Variants in PRORP observed in about 807,000 individuals in gnomAD.
PRORP encodes the protein protein only RNase P catalytic subunit, also known as mitochondrial ribonuclease P catalytic subunit.
In PRORP, 51 loss-of-function variants were observed where a neutral mutation model predicts 59.4. The ratio of observed to expected loss-of-function variants is 0.86; its 90% CI spans 0.69 to 1.08. The LOEUF (loss-of-function observed/expected upper bound fraction) is 1.08, where lower values mean the gene tolerates loss of function less well. Among genes scored for constraint, PRORP ranks in the 50% least tolerant of loss-of-function variants. The pLI is 0.00. For synonymous variants in PRORP, 231 were observed against 245.6 expected (o/e 0.94, Z 0.55); for missense variants, 646 against 690.3 (o/e 0.94, Z 0.72).
chr14:35,176,641 G>T (rs919319233), intron 4 of PRORP, among the ~76,000 whole-genome samples: 1 of 152,158 alleles, frequency 6.6e-6, no homozygotes, highest in Non-Finnish European at 1.5e-5. Flanking sequence ...GAGATTTTGG[G>T]CTGAGACAAT....
intron 4 of PRORP, among the ~76,000 whole-genome samples, chr14:35,143,575 T>G (rs890797766): frequency 2.1e-5 from 3 of 146,242 alleles, no homozygotes; most frequent in African/African-American, 7.3e-5. Context: ...AAGAGTACAT[T>G]GTATTACATT....
At position 35,123,827 on chromosome 14, in the gene PRORP, T is replaced by G. The variant is rs767022790; in HGVS notation, c.582T>G (p.Val194=). The stretch of plus-strand genomic sequence containing the variant: ...TCTTTCATATGCAGACATCTGAAGT[T>G]ATTGATGTCTTTGAAATTATGAAAG... The part of the protein sequence containing the change: ...LCVFHMQTSE[V]IDVFEIMKAR... Residue 194 remains valine, a synonymous_variant, in exon 2 of 8, where the codon GTT becomes GTG. Transcript: ENST00000534898. 1.2e-6 allele frequency: 2 copies of G among 1,614,176 alleles called. No individual in the cohort carries two copies.
At chr14:35,126,592 C>T (rs1448036265) in intron 2 of PRORP, 143 bp from the exon 3 acceptor site, 2 of 602,882 alleles carry the variant, frequency 3.3e-6, no homozygotes, top group Non-Finnish European at 5.8e-6. Context: ...GGATAGCAGC[C>T]ACTTTTTAAA....
chr14:35,155,651 T>C (rs1251401264), intron 4 of PRORP, among the ~76,000 whole-genome samples: 1 of 151,456 alleles, frequency 6.6e-6, no homozygotes, highest in Non-Finnish European at 1.5e-5. Context: ...AGTGCTTTCT[T>C]AGTGATTTTC....
chr14:35,212,096 A>G lies in PRORP; in HGVS notation c.1275+31319A>G, dbSNP rs191732469. ...TTTCTTTGTTTCTCCATAACAAGCA[A>G]CTCCTCATAGGTTCAAGTTTTATTA... is the stretch of plus-strand genomic sequence containing the variant. On this transcript the variant is annotated intron_variant, in intron 5 of 7. Coordinates refer to ENST00000534898, the MANE Select transcript of PRORP (RefSeq NM_014672.4). 3.3e-5 allele frequency among the ~76,000 whole-genome samples: 5 copies of G among 152,168 alleles called. No individual in the cohort carries two copies. The East Asian group carries it at 9.7e-4, about 29-fold the overall frequency.
intron 5 of PRORP, among the ~76,000 whole-genome samples, chr14:35,184,913 C>G (rs1233592969): frequency 2.0e-5 from 3 of 152,100 alleles, no homozygotes; most frequent in Non-Finnish European, 4.4e-5. Context: ...TTTCTTTATC[C>G]AATCTGTCAT....
At position 35,123,540 on chromosome 14, in the gene PRORP, C is replaced by G. The variant is rs200869170; in HGVS notation, c.295C>G (p.Gln99Glu). ...TAAGGAGAGATCACAGATGAATTCT[C>G]AAACTGAAGATCATGCCTTGGCACC... is the stretch of plus-strand genomic sequence containing the variant. ...AAKERSQMNS[Q>E]TEDHALAPVR... The change falls in exon 2 of 8, where the codon CAA becomes GAA. Residue 99 changes from glutamine (Q) to glutamate (E), a missense_variant. Coordinates refer to ENST00000534898, the MANE Select transcript of PRORP (RefSeq NM_014672.4). 9.9e-6 allele frequency: 16 copies of G among 1,614,134 alleles called. No individual in the cohort carries two copies. In the East Asian group the frequency reaches 3.6e-4, roughly 36 times the overall value.
intron 5 of PRORP, among the ~76,000 whole-genome samples, chr14:35,264,221 G>A (rs187804015): frequency 1.5e-4 from 23 of 151,812 alleles, no homozygotes; most frequent in African/African-American, 4.1e-4. Context: ...TCCACCCCAC[G>A]GATTCAAGCA....
intron 4 of PRORP, among the ~76,000 whole-genome samples, chr14:35,168,449 G>T (rs2138981533): frequency 6.6e-6 from 1 of 152,208 alleles, no homozygotes; most frequent in Middle Eastern, 3.4e-3. Context: ...ATTGCTAGTT[G>T]ATACTCAGGT....
At chr14:35,191,495 A>G (rs1281333989) in intron 5 of PRORP, among the ~76,000 whole-genome samples, 1 of 152,192 alleles carries the variant, frequency 6.6e-6, no homozygotes, top group African/African-American at 2.4e-5. Flanking sequence ...TGAGCCCAGG[A>G]GTACGAGACC....
chr14:35,171,056 T>G (rs944366462), intron 4 of PRORP, among the ~76,000 whole-genome samples: 2 of 151,908 alleles, frequency 1.3e-5, no homozygotes, highest in African/African-American at 4.8e-5. Context: ...TCCATGTTGG[T>G]CAGGCTGGTC....
intron 5 of PRORP, among the ~76,000 whole-genome samples, chr14:35,209,647 C>T (rs903491243): frequency 2.0e-5 from 3 of 152,118 alleles, no homozygotes; most frequent in East Asian, 1.9e-4. Flanking sequence ...AGCGATTCTC[C>T]TGCCTCAGCC....
intron 5 of PRORP, among the ~76,000 whole-genome samples, chr14:35,208,489 T>G (rs538879929): frequency 6.6e-6 from 1 of 152,334 alleles, no homozygotes; most frequent in East Asian, 1.9e-4. Flanking sequence ...TAGCCACAAT[T>G]TAAAAAGTTA....
At chr14:35,128,277 TGTTTTTTTTTTGTTGTTTTTTGG>T (rs2047147217) in intron 4 of PRORP, among the ~76,000 whole-genome samples, 1 of 148,468 alleles carries the variant, frequency 6.7e-6, no homozygotes, top group African/African-American at 2.6e-5. Context: ...TGTAGTTTTT[TGTTTTTTTTTTGTTGTTTTTTGG>T]GTTTTTTTTT....
At chr14:35,234,131 A>G (rs930743703) in intron 5 of PRORP, among the ~76,000 whole-genome samples, 2 of 152,222 alleles carry the variant, frequency 1.3e-5, no homozygotes, top group African/African-American at 4.8e-5. Context: ...GTGCTCGAAG[A>G]GAGTAATTCT....
intron 5 of PRORP, among the ~76,000 whole-genome samples, chr14:35,255,385 C>A (rs2050725358): frequency 6.6e-6 from 1 of 152,192 alleles, no homozygotes; most frequent in East Asian, 1.9e-4. Context: ...CCGCCTTGGC[C>A]TCCCAAAGTG....
intron 3 of PRORP, among the ~76,000 whole-genome samples, chr14:35,127,270 A>C (rs947657021): frequency 6.6e-6 from 1 of 152,038 alleles, no homozygotes; most frequent in Admixed American, 6.5e-5. Flanking sequence ...AAGTCATCCA[A>C]ACGGCCAATC....
intron 5 of PRORP, among the ~76,000 whole-genome samples, chr14:35,183,398 GA>G (rs1299816445): frequency 2.6e-5 from 4 of 151,858 alleles, no homozygotes; most frequent in Non-Finnish European, 5.9e-5. Context: ...ATCAGGAAAG[GA>G]AAAAAGTTAA....
At chr14:35,267,854 C>T (rs1267999085) in intron 6 of PRORP, among the ~76,000 whole-genome samples, 1 of 151,898 alleles carries the variant, frequency 6.6e-6, no homozygotes. Flanking sequence ...GCAACACGGC[C>T]AGTTGGGCTA....
Sources: allele counts gnomAD v4.1 joint callset (sites outside exome capture counted in the v4.1 genomes callset), GRCh38; gene constraint gnomAD v4.1.1; transcripts MANE v1.5; gene names NCBI Gene and HGNC (gene_info 2026-07-23, HGNC 2026-07-21).